PTPRD: variants seen among roughly 807,000 people sequenced by gnomAD.
The protein encoded by PTPRD is receptor-type tyrosine-protein phosphatase delta.
A neutral mutation model predicts 214.5 loss-of-function variants in PTPRD; 34 were observed. That is an observed-to-expected ratio of 0.16 (90% confidence interval 0.12 to 0.21). The LOEUF (loss-of-function observed/expected upper bound fraction) is 0.21. PTPRD is among the 10% of genes least tolerant of loss of function. The probability of loss-of-function intolerance (pLI) is 1.00; values close to 1 mark genes in which losing one functional copy is unlikely to be tolerated. For missense variants in PTPRD, 2,545 were observed against 2,398.7 expected, an observed-to-expected ratio of 1.06 and a Z score of -1.27; for synonymous variants, 1,128 against 845.7, an observed-to-expected ratio of 1.33 and a Z score of -5.79.
Position 9,631,514 on chromosome 9 carries a change from G to C in PTPRD, c.-286-56733C>G, listed in dbSNP as rs532101379. ...AGCAGCACTCTTTATTCAAAGTATA[G>C]GGCCTTTTTTTCTTGTTTTCTAAAC... On this transcript the variant is annotated intron_variant, in intron 7 of 45. Transcript: ENST00000381196. Among the ~76,000 whole-genome samples, 21 of 152,186 alleles carry C rather than the reference G, an allele frequency of 1.4e-4. No homozygotes were observed. In the South Asian group the frequency reaches 4.2e-3, roughly 30 times the overall value.
chr9:9,397,311 C>T (rs1262211579), intron 9 of PTPRD, 138 bp downstream of exon 9: 2 of 152,074 alleles, frequency 1.3e-5, no homozygotes, highest in Admixed American at 6.6e-5. Flanking sequence ...ACAAAACATC[C>T]TAAAATGCCT....
chr9:9,135,300 C>A (rs1476195942), intron 10 of PTPRD, among the ~76,000 whole-genome samples: 1 of 152,156 alleles, frequency 6.6e-6, no homozygotes, highest in African/African-American at 2.4e-5. Flanking sequence ...AAAATACATT[C>A]AATATCTCTT....
intron 21 of PTPRD, among the ~76,000 whole-genome samples, chr9:8,515,263 C>T (rs893514334): frequency 2.0e-5 from 3 of 152,176 alleles, no homozygotes; most frequent in Admixed American, 6.5e-5. Flanking sequence ...TGGGATAATT[C>T]CACATCTGCC....
At chr9:10,410,556 A>G (rs954973055) in intron 2 of PTPRD, among the ~76,000 whole-genome samples, 1 of 151,534 alleles carries the variant, frequency 6.6e-6, no homozygotes, top group Non-Finnish European at 1.5e-5. Context: ...TACACACATA[A>G]TAAAAATTAT....
At chr9:8,709,939 A>T (rs2098294771) in intron 12 of PTPRD, among the ~76,000 whole-genome samples, 1 of 152,216 alleles carries the variant, frequency 6.6e-6, no homozygotes, top group Admixed American at 6.5e-5. Flanking sequence ...CAGACAACCT[A>T]GGTATGAATC....
chr9:9,370,809 T>G (rs934167376), intron 9 of PTPRD, among the ~76,000 whole-genome samples: 4 of 152,004 alleles, frequency 2.6e-5, no homozygotes, highest in South Asian at 4.2e-4. Flanking sequence ...TTATTGAGAG[T>G]TTTTAGCATG....
At chr9:9,678,530 T>G (rs2096986219) in intron 7 of PTPRD, among the ~76,000 whole-genome samples, 4 of 151,890 alleles carry the variant, frequency 2.6e-5, no homozygotes. Context: ...TAAAAAATCC[T>G]TCGTATTTTT....
At chr9:9,344,325 G>A (rs986077654) in intron 9 of PTPRD, among the ~76,000 whole-genome samples, 2 of 151,834 alleles carry the variant, frequency 1.3e-5, no homozygotes, top group South Asian at 2.1e-4. Context: ...GAGGCCTGTC[G>A]GGGGTTTGGG....
intron 11 of PTPRD, among the ~76,000 whole-genome samples, chr9:8,910,376 A>G (rs2098738890): frequency 6.6e-6 from 1 of 152,042 alleles, no homozygotes. Context: ...CAGTATTGAG[A>G]GTGGGGCCTT....
intron 14 of PTPRD, among the ~76,000 whole-genome samples, chr9:8,532,304 A>G (rs1385200301): frequency 6.6e-6 from 1 of 152,078 alleles, no homozygotes; most frequent in Non-Finnish European, 1.5e-5. Context: ...TTCTAATTGG[A>G]ATGCTTATCT....
chr9:10,311,209 A>C (rs2096258808), intron 3 of PTPRD, among the ~76,000 whole-genome samples: 1 of 151,954 alleles, frequency 6.6e-6, no homozygotes, highest in African/African-American at 2.4e-5. Context: ...ATACTGTCTT[A>C]ACTTTGTCTT....
intron 2 of PTPRD, among the ~76,000 whole-genome samples, 181 bp downstream of exon 2, chr9:10,612,208 CAAAAAAAAA>C (rs35311745): frequency 1.6e-5 from 2 of 126,762 alleles, no homozygotes; most frequent in Non-Finnish European, 3.3e-5. Flanking sequence ...AGGGCTCTTC[CAAAAAAAAA>C]AAAAAAAGAA....
chr9:8,845,722 G>A (rs886808901), intron 11 of PTPRD, among the ~76,000 whole-genome samples: 2 of 152,194 alleles, frequency 1.3e-5, no homozygotes, highest in Non-Finnish European at 2.9e-5. Context: ...TGAGACATAC[G>A]TCACTTTCCC....
At chr9:9,132,672 C>T (rs768226320) in intron 10 of PTPRD, among the ~76,000 whole-genome samples, 22 of 152,090 alleles carry the variant, frequency 1.4e-4, no homozygotes, top group Non-Finnish European at 2.4e-4. Context: ...GATTTTAATG[C>T]TTCATTCAAT....
In PTPRD at chr9:9,898,827, G is replaced by A. The variant is rs186399152; in HGVS notation, c.-368+39680C>T. Among the ~76,000 whole-genome samples, 187 of 152,092 alleles carry A rather than the reference G, an allele frequency of 1.2e-3. 1 individual carries two copies. The highest frequency in any genetic ancestry group is 2.4e-3 in the Non-Finnish European group (163 of 67,956). On this transcript the variant is annotated intron_variant, in intron 5 of 45. Coordinates refer to ENST00000381196, the MANE Select transcript of PTPRD (RefSeq NM_002839.4). ...TCTCTTAGTGAATTTTTAAAAAGAC[G>A]TATGTTAGTCTGTATACTAAACCCA...
intron 5 of PTPRD, among the ~76,000 whole-genome samples, chr9:9,888,269 C>G (rs1045053927): frequency 1.4e-4 from 22 of 152,160 alleles, no homozygotes; most frequent in Non-Finnish European, 2.6e-4. Context: ...GTGTTCCTGT[C>G]AGATGAAGAG....
chr9:9,565,514 G>A (rs2084243031), intron 8 of PTPRD, among the ~76,000 whole-genome samples: 1 of 151,762 alleles, frequency 6.6e-6, no homozygotes, highest in Non-Finnish European at 1.5e-5. Context: ...GATTTCTGAA[G>A]AATAATTTTT....
chr9:9,835,311 G>A (rs1482225887), intron 5 of PTPRD, among the ~76,000 whole-genome samples: 2 of 151,958 alleles, frequency 1.3e-5, no homozygotes, highest in African/African-American at 4.8e-5. Flanking sequence ...TTACATTTTG[G>A]ATTCAATAAA....
chr9:8,754,130 G>C (rs908903994), intron 11 of PTPRD, among the ~76,000 whole-genome samples: 4 of 151,608 alleles, frequency 2.6e-5, no homozygotes, highest in African/African-American at 9.8e-5. Context: ...GGGTGACAGA[G>C]CGAGACTCCA....
Sources: gnomAD v4.1 joint callset for allele counts (sites outside exome capture counted in the v4.1 genomes callset) on GRCh38, gnomAD v4.1.1 for gene constraint, MANE v1.5 for transcripts, NCBI Gene and HGNC (gene_info 2026-07-23, HGNC 2026-07-21) for gene names.